Variants in TSPAN3 observed in about 807,000 individuals in gnomAD.
The protein encoded by TSPAN3 is tetraspanin 3, also known as tetraspanin-3.
A neutral mutation model predicts 31.1 loss-of-function variants in TSPAN3; 9 were observed. The observed-to-expected ratio is 0.29, with a 90% confidence interval of 0.17 to 0.50. The LOEUF (loss-of-function observed/expected upper bound fraction) is 0.50, where lower values mean the gene tolerates loss of function less well. TSPAN3 is among the 20% of genes least tolerant of loss of function. The probability of loss-of-function intolerance (pLI) is 0.98; values close to 1 mark genes in which losing one functional copy is unlikely to be tolerated. For missense variants in TSPAN3, 252 were observed against 313.5 expected, an observed-to-expected ratio of 0.80 and a Z score of 1.48; for synonymous variants, 129 against 114.3, an observed-to-expected ratio of 1.13 and a Z score of -0.82.
At chr15:77,055,922 CT>C (rs1230965160) in intron 2 of TSPAN3, 59 bp from the exon 3 acceptor site, 7 of 1,542,424 alleles carry the variant, frequency 4.5e-6, no homozygotes, top group Non-Finnish European at 6.1e-6. Context: ...TAAATACACT[CT>C]TGATTTAAAA....
chr15:77,062,332 T>G (rs2076805663), intron 1 of TSPAN3, among the ~76,000 whole-genome samples: 1 of 152,338 alleles, frequency 6.6e-6, no homozygotes, highest in African/African-American at 2.4e-5. Context: ...TGACTTAATC[T>G]GATAGAACAG....
At chr15:77,057,946 C>T (rs1388883688) in intron 1 of TSPAN3, among the ~76,000 whole-genome samples, 2 of 152,134 alleles carry the variant, frequency 1.3e-5, no homozygotes, top group East Asian at 1.9e-4. Context: ...CCTTACATTC[C>T]TATCATAGCA....
At chr15:77,048,094 T>C (rs1343524402) in intron 6 of TSPAN3, among the ~76,000 whole-genome samples, 3 of 151,820 alleles carry the variant, frequency 2.0e-5, no homozygotes, top group African/African-American at 7.2e-5. Flanking sequence ...ATTTCACCAC[T>C]TGCACCATTT....
At chr15:77,052,050 G>A (rs1261688302) in intron 6 of TSPAN3, among the ~76,000 whole-genome samples, 1 of 152,142 alleles carries the variant, frequency 6.6e-6, no homozygotes, top group Non-Finnish European at 1.5e-5. Flanking sequence ...TAAAAATTTT[G>A]TGACATTCTA....
At chr15:77,048,274 A>T (rs2076707097) in intron 6 of TSPAN3, among the ~76,000 whole-genome samples, 1 of 152,198 alleles carries the variant, frequency 6.6e-6, no homozygotes, top group Non-Finnish European at 1.5e-5. Context: ...CTATAAACTC[A>T]AATGCAATTA....
intron 6 of TSPAN3, among the ~76,000 whole-genome samples, chr15:77,052,140 G>A (rs540760463): frequency 2.6e-5 from 4 of 152,362 alleles, no homozygotes; most frequent in Admixed American, 2.0e-4. Flanking sequence ...AAGAAAGACA[G>A]TAAGACGAGG....
At chr15:77,049,309 C>G (rs1483678413) in intron 6 of TSPAN3, among the ~76,000 whole-genome samples, 1 of 152,084 alleles carries the variant, frequency 6.6e-6, no homozygotes, top group South Asian at 2.1e-4. Context: ...AGAAAAAAAG[C>G]AACATGGCCT....
At position 77,042,692 on chromosome 15, in the gene TSPAN3, T is replaced by A. The variant is rs2076666709; in HGVS notation, c.*4143A>T. 6.6e-6 allele frequency: 1 copy of A among 152,026 alleles called. No individual in the cohort carries two copies. Among genetic ancestry groups the A allele is most frequent in the South Asian group, 2.1e-4 (1 of 4,812 alleles). The allele number at this position is 152,026 out of a possible 1,614,324, so 9.4% of individuals were successfully genotyped here. ...GAAGGAGTGCTGGGCTGCAGAAACG[T>A]CGCTTGGCAGTCATCATAAAGATTG... On this transcript the variant is annotated 3_prime_UTR_variant, in exon 7 of 7. Coordinates refer to ENST00000267970, the MANE Select transcript of TSPAN3 (RefSeq NM_005724.6).
rs2076741921 is a variant in TSPAN3, at chr15:77,053,026, GATGTCCGAT to G, written c.433-106_433-98del. The G allele has an allele frequency of 1.4e-5, 17 of 1,176,144 alleles. 1 individual carries two copies. The South Asian group carries it at 2.6e-4, about 18-fold the overall frequency. 72.9% of individuals were successfully genotyped at this position (1,176,144 alleles called of 1,614,324 possible). A position where few individuals can be genotyped will look rare whatever the true frequency, so the allele number is the denominator to read the frequency against. ...TTAAAATAAGCTACTCTAGACCAGT[GATGTCCGAT>G]ACAACTTTCTATAATGGAAAGTCTG... On this transcript the variant is annotated intron_variant, in intron 4 of 6. Coordinates refer to ENST00000267970, the MANE Select transcript of TSPAN3 (RefSeq NM_005724.6).
chr15:77,052,167 G>A lies in TSPAN3; in HGVS notation c.669+218C>T, dbSNP rs2076736064. Among the ~76,000 whole-genome samples the A allele has an allele frequency of 5.9e-5, 9 of 152,262 alleles. No homozygotes were observed. In the South Asian group the frequency reaches 1.5e-3, roughly 25 times the overall value. Reference sequence around the variant, plus strand: ...AAGACGAGGAGTTCCCTCAACACGTGGTCCCTCCCCATCCAGATTTCTGGT... The same window carrying A: ...AAGACGAGGAGTTCCCTCAACACGTAGTCCCTCCCCATCCAGATTTCTGGT... On this transcript the variant is annotated intron_variant, in intron 6 of 6. Coordinates refer to ENST00000267970, the MANE Select transcript of TSPAN3 (RefSeq NM_005724.6).
At chr15:77,051,073 A>T (rs983477963) in intron 6 of TSPAN3, among the ~76,000 whole-genome samples, 10 of 152,180 alleles carry the variant, frequency 6.6e-5, no homozygotes, top group Non-Finnish European at 1.2e-4. Context: ...TTTTAAAAAA[A>T]ATTTTTTTTT....
chr15:77,053,051 G>T, intron 4 of TSPAN3, 122 bp from the exon 5 acceptor site: 1 of 973,960 alleles, frequency 1.0e-6, no homozygotes, highest in Non-Finnish European at 1.5e-6. Flanking sequence ...TTTCTATAAT[G>T]GAAAGTCTGC....
chr15:77,068,705 GATAA>G (rs778807556), intron 1 of TSPAN3, among the ~76,000 whole-genome samples: 90 of 152,098 alleles, frequency 5.9e-4, no homozygotes, highest in Non-Finnish European at 1.2e-3. Flanking sequence ...TCTTAAAAAA[GATAA>G]ATAAAAAATA....
chr15:77,055,986 A>G (rs555404533), intron 2 of TSPAN3, 78 bp downstream of exon 2: 8 of 1,524,504 alleles, frequency 5.2e-6, no homozygotes, highest in East Asian at 2.3e-5. Context: ...TGTTCCAACT[A>G]TAAGAGCCAA....
rs1568537152 is a variant in TSPAN3, at chr15:77,046,577, C to A, written c.*258G>T. 5.7e-6 allele frequency: 3 copies of A among 523,908 alleles called. No homozygotes were observed. The highest frequency in any genetic ancestry group is 1.0e-5 in the Non-Finnish European group (3 of 297,514). 32.5% of individuals were successfully genotyped at this position (523,908 alleles called of 1,614,324 possible). On this transcript the variant is annotated 3_prime_UTR_variant, in exon 7 of 7. Transcript: ENST00000267970. ...CCTTTAATTCTACCACACTACATGA[C>A]TCGCAATTGGTTCTGAAATTAGAAC... is the stretch of plus-strand genomic sequence containing the variant.
rs548630901 is a variant in TSPAN3, at chr15:77,043,737, G to A, written c.*3098C>T. The A allele has an allele frequency of 3.3e-5, 5 of 152,352 alleles. No individual in the cohort carries two copies. Among genetic ancestry groups the A allele is most frequent in the Non-Finnish European group, 5.9e-5 (4 of 68,068 alleles). The allele number at this position is 152,352 out of a possible 1,614,324, so 9.4% of individuals were successfully genotyped here. On this transcript the variant is annotated 3_prime_UTR_variant, in exon 7 of 7. Coordinates refer to ENST00000267970, the MANE Select transcript of TSPAN3 (RefSeq NM_005724.6). ...GAGGGAAAGGTGCTATAGAGGACAC[G>A]ATGCGGCCAATGGGAATATGAGTGG...
chr15:77,052,254 G>T, intron 6 of TSPAN3, 131 bp downstream of exon 6: 1 of 745,288 alleles, frequency 1.3e-6, no homozygotes. Context: ...GGAAACTGGA[G>T]GCCAGTACCT....
At chr15:77,048,917 T>C (rs1329286178) in intron 6 of TSPAN3, among the ~76,000 whole-genome samples, 1 of 152,158 alleles carries the variant, frequency 6.6e-6, no homozygotes, top group Non-Finnish European at 1.5e-5. Context: ...AATAAGAACT[T>C]TTGCACATTA....
At chr15:77,053,172 G>A (rs1238424042) in intron 4 of TSPAN3, among the ~76,000 whole-genome samples, 1 of 152,010 alleles carries the variant, frequency 6.6e-6, no homozygotes, top group Non-Finnish European at 1.5e-5. Context: ...AGCCAGACAT[G>A]GCTAGTGGCT....
Sources: gnomAD v4.1 joint callset for allele counts (sites outside exome capture counted in the v4.1 genomes callset) on GRCh38, gnomAD v4.1.1 for gene constraint, MANE v1.5 for transcripts, NCBI Gene and HGNC (gene_info 2026-07-23, HGNC 2026-07-21) for gene names.